The following BPHL variants were observed in gnomAD, a reference collection of about 807,000 sequenced individuals.
The protein encoded by BPHL is serine hydrolase BPHL.
In BPHL, 27 loss-of-function variants were observed where a neutral mutation model predicts 31.2. The observed-to-expected ratio is 0.87, with a 90% confidence interval of 0.64 to 1.19. BPHL has a LOEUF of 1.19. Among genes scored for constraint, BPHL ranks in the 50% most tolerant of loss-of-function variants. The pLI is 0.00. For missense variants in BPHL, 356 were observed against 375.7 expected (o/e 0.95, Z 0.43); for synonymous variants, 150 against 146.8 (o/e 1.02, Z -0.16).
chr6:3,133,406 A>G (rs1761927876), intron 4 of BPHL, among the ~76,000 whole-genome samples: 1 of 152,094 alleles, frequency 6.6e-6, no homozygotes, highest in Non-Finnish European at 1.5e-5. Context: ...ATAGCAATTC[A>G]GCAATATGTG....
In BPHL at chr6:3,140,837, C is replaced by T. The variant is rs969977997; in HGVS notation, c.788+328C>T. On this transcript the variant is annotated intron_variant, in intron 6 of 6. Coordinates refer to ENST00000380379, the MANE Select transcript of BPHL (RefSeq NM_004332.4). This position sits in a 1 kb window ranked among gnomAD's most constrained non-coding sequence, Gnocchi z 5.2. Reference sequence around the variant, plus strand: ...CAGTATTAACCGAAACAGTTTCACACAATTTGGGAATTTTCAGTTTAGTTT... The same window carrying T: ...CAGTATTAACCGAAACAGTTTCACATAATTTGGGAATTTTCAGTTTAGTTT... Among the ~76,000 whole-genome samples the T allele has an allele frequency of 1.5e-3, 226 of 152,336 alleles. 4 individuals carry two copies. The highest frequency in any genetic ancestry group is 3.5e-4 in the Non-Finnish European group (24 of 68,040).
At chr6:3,137,851 C>T (rs1762054955) in intron 5 of BPHL, among the ~76,000 whole-genome samples, 1 of 152,190 alleles carries the variant, frequency 6.6e-6, no homozygotes, top group Non-Finnish European at 1.5e-5. Flanking sequence ...AATAAATAGG[C>T]CACAATGTGT....
chr6:3,139,409 G>A (rs2113765737), intron 5 of BPHL: 2 of 152,342 alleles, frequency 1.3e-5, no homozygotes, highest in Admixed American at 1.3e-4. Flanking sequence ...GATGCAGCTG[G>A]CCGGTGTGTG....
At chr6:3,119,275 CTT>C (rs1169865293) in intron 1 of BPHL, 38 of 1,538,978 alleles carry the variant, frequency 2.5e-5, no homozygotes, top group Non-Finnish European at 3.3e-5. Context: ...TCTTCTTTCT[CTT>C]ATGTCAGAAA....
In BPHL at chr6:3,149,802, TGTTTTTG is replaced by T. The variant is rs1200385139; in HGVS notation, c.789-2683_789-2677del. Among the ~76,000 whole-genome samples the T allele has an allele frequency of 3.3e-5, 5 of 152,090 alleles. No homozygotes were observed. The highest frequency in any genetic ancestry group is 1.2e-4 in the African/African-American group (5 of 41,416). ...GCATCACCACGCCGGCTAATTTTTG[TGTTTTTG>T]GTAGAGATGGAGTTTCACCACATTG... On this transcript the variant is annotated intron_variant, in intron 6 of 6. Coordinates refer to ENST00000380379, the MANE Select transcript of BPHL (RefSeq NM_004332.4). This position sits in a 1 kb window ranked among gnomAD's most constrained non-coding sequence, Gnocchi z 4.6.
intron 6 of BPHL, among the ~76,000 whole-genome samples, chr6:3,141,740 G>A (rs371622599): frequency 1.3e-5 from 2 of 152,104 alleles, no homozygotes; most frequent in African/African-American, 4.8e-5. Flanking sequence ...TTGGGAGGCT[G>A]AGGCAGGCGG....
At chr6:3,120,901 G>A (rs1057277395) in intron 1 of BPHL, among the ~76,000 whole-genome samples, 12 of 152,152 alleles carry the variant, frequency 7.9e-5, no homozygotes, top group Non-Finnish European at 1.5e-4. Context: ...TGTGGCCCCG[G>A]TGCCTGAGCC....
chr6:3,134,721 A>G (rs140833457), intron 4 of BPHL, among the ~76,000 whole-genome samples: 8 of 149,864 alleles, frequency 5.3e-5, no homozygotes, highest in African/African-American at 1.7e-4. Context: ...TCCTGCCTCA[A>G]CCTCCCGAGT....
intron 6 of BPHL, among the ~76,000 whole-genome samples, chr6:3,151,320 C>T (rs1481189532): frequency 6.6e-6 from 1 of 152,188 alleles, no homozygotes; most frequent in Non-Finnish European, 1.5e-5. Flanking sequence ...TGCAACTCAT[C>T]CTTCTTTTCT....
chr6:3,122,152 T>C (rs1054247942), intron 1 of BPHL, among the ~76,000 whole-genome samples: 2 of 151,836 alleles, frequency 1.3e-5, no homozygotes, highest in African/African-American at 2.4e-5. Flanking sequence ...TGGTGGCGGG[T>C]GCCTGTAGTC....
intron 2 of BPHL, among the ~76,000 whole-genome samples, chr6:3,126,244 G>GT (rs1286352741): frequency 1.4e-5 from 2 of 147,552 alleles, no homozygotes; most frequent in African/African-American, 5.1e-5. Context: ...CCTTAGCTTA[G>GT]TAAAAAAAAA....
intron 1 of BPHL, among the ~76,000 whole-genome samples, chr6:3,121,391 C>G (rs1036768107): frequency 6.7e-6 from 1 of 150,374 alleles, no homozygotes; most frequent in Admixed American, 6.6e-5. Context: ...TCTTCACCTC[C>G]CAGGTTCCAG....
rs576739106 is a variant in BPHL, at chr6:3,124,718, C to T, written c.211+958C>T. ...CAGACCCAACCACCCATTTTTTTCC[C>T]GAAATATTTTTGTTCCGAGGTTGGT... On this transcript the variant is annotated intron_variant, in intron 2 of 6. Coordinates refer to ENST00000380379, the MANE Select transcript of BPHL (RefSeq NM_004332.4). 3.3e-5 allele frequency among the ~76,000 whole-genome samples: 5 copies of T among 152,020 alleles called. 1 individual carries two copies. The South Asian group carries it at 1.0e-3, about 32-fold the overall frequency.
intron 1 of BPHL, 48 bp downstream of exon 1, chr6:3,118,895 G>C (rs1356296788): frequency 8.2e-7 from 1 of 1,219,752 alleles, no homozygotes; most frequent in Non-Finnish European, 1.0e-6. Context: ...CGGCGCGCTC[G>C]AGGGGCGGCG....
Position 3,137,237 on chromosome 6 carries a change from G to A in BPHL, c.533-125G>A, listed in dbSNP as rs1762036857. 3.2e-6 allele frequency: 4 copies of A among 1,256,708 alleles called. No individual in the cohort carries two copies. The South Asian group carries it at 4.2e-5, about 13-fold the overall frequency. The allele number at this position is 1,256,708 out of a possible 1,614,324, so 77.8% of individuals were successfully genotyped here. A position where few individuals can be genotyped will look rare whatever the true frequency, so the allele number is the denominator to read the frequency against. ...GGCTAAGCCGAGCAGAGGGAGGGAG[G>A]GAGGCATTCCAGGCAGACGAGACAG... On this transcript the variant is annotated intron_variant, in intron 4 of 6. Coordinates refer to ENST00000380379, the MANE Select transcript of BPHL (RefSeq NM_004332.4).
chr6:3,152,428 G>A, intron 6 of BPHL, 60 bp from the exon 7 acceptor site: 1 of 1,392,688 alleles, frequency 7.2e-7, no homozygotes, highest in Non-Finnish European at 1.0e-6. Context: ...TGGGGAGAGT[G>A]AGGGGTTTGT....
Position 3,123,722 on chromosome 6 carries a change from A to T in BPHL, c.173A>T (p.Glu58Val). The T allele has an allele frequency of 1.2e-6, 2 of 1,613,664 alleles. No homozygotes were observed. The highest frequency in any genetic ancestry group is 1.7e-6 in the Non-Finnish European group (2 of 1,179,812). Residue 58 changes from glutamate to valine, a missense_variant, in exon 2 of 7, where the codon GAG (glutamate) becomes GTG (valine). Coordinates refer to ENST00000380379, the MANE Select transcript of BPHL (RefSeq NM_004332.4). ...GVQLHYQQTGEGDHAVLLLPG... is the reference protein window; with the variant it reads ...GVQLHYQQTGVGDHAVLLLPG... Reference sequence around the variant, plus strand: ...CAGCTGCATTACCAGCAGACTGGAGAGGGAGATCACGCAGTCCTGCTACTT... The same window carrying T: ...CAGCTGCATTACCAGCAGACTGGAGTGGGAGATCACGCAGTCCTGCTACTT...
chr6:3,120,276 C>T (rs1761530389), intron 1 of BPHL, among the ~76,000 whole-genome samples: 1 of 152,142 alleles, frequency 6.6e-6, no homozygotes, highest in African/African-American at 2.4e-5. Flanking sequence ...CTCAAATGAT[C>T]CACCTGCCTC....
intron 1 of BPHL, among the ~76,000 whole-genome samples, chr6:3,120,147 G>A (rs560461938): frequency 1.3e-5 from 2 of 152,154 alleles, no homozygotes; most frequent in African/African-American, 4.8e-5. Context: ...GATTCTCGTG[G>A]CCTCAGCCTC....
Sources: gnomAD v4.1 joint callset for allele counts (sites outside exome capture counted in the v4.1 genomes callset) on GRCh38, gnomAD v4.1.1 for gene constraint, Gnocchi (gnomAD v3.1) non-coding constraint, MANE v1.5 for transcripts, NCBI Gene and HGNC (gene_info 2026-07-23, HGNC 2026-07-21) for gene names.